The following MAGI3 variants were observed in gnomAD, a reference collection of about 807,000 sequenced individuals.
The protein encoded by MAGI3 is membrane associated guanylate kinase, WW and PDZ domain containing 3.
Under a neutral mutation model 121.8 loss-of-function variants are expected in MAGI3, and 43 were observed. The ratio of observed to expected loss-of-function variants is 0.35; its 90% CI spans 0.28 to 0.46. MAGI3 has a LOEUF of 0.46. MAGI3 is among the 20% of genes least tolerant of loss of function. The pLI, the probability that MAGI3 is intolerant of heterozygous loss-of-function variation, is 1.00. For missense variants in MAGI3, 1,547 were observed against 1,797.3 expected (o/e 0.86, Z 2.52); for synonymous variants, 553 against 639.3 (o/e 0.86, Z 2.04).
chr1:113,418,195 C>G (rs1257178445), intron 1 of MAGI3, among the ~76,000 whole-genome samples: 1 of 152,132 alleles, frequency 6.6e-6, no homozygotes, highest in Admixed American at 6.5e-5. Context: ...ACTTATGTGT[C>G]TAGCATTCAA....
At chr1:113,545,124 T>C (rs1221995534) in intron 1 of MAGI3, among the ~76,000 whole-genome samples, 1 of 151,970 alleles carries the variant, frequency 6.6e-6, no homozygotes, top group Non-Finnish European at 1.5e-5. Context: ...GGGTAAATAC[T>C]TGGAGACAAG....
At chr1:113,455,503 CAGG>C (rs1654707471) in intron 1 of MAGI3, among the ~76,000 whole-genome samples, 1 of 152,054 alleles carries the variant, frequency 6.6e-6, no homozygotes, top group Non-Finnish European at 1.5e-5. Flanking sequence ...TCTTGCCATC[CAGG>C]CCTTGCATTC....
At chr1:113,400,683 T>G (rs779728388) in intron 1 of MAGI3, among the ~76,000 whole-genome samples, 3 of 152,166 alleles carry the variant, frequency 2.0e-5, no homozygotes, top group Non-Finnish European at 4.4e-5. Context: ...GTTCACAGAA[T>G]TGTATCTCAA....
chr1:113,409,406 A>C (rs766850225), intron 1 of MAGI3, among the ~76,000 whole-genome samples: 8 of 151,888 alleles, frequency 5.3e-5, no homozygotes, highest in Non-Finnish European at 8.8e-5. Flanking sequence ...GCACTTTGGG[A>C]GGCAAGCAAG....
intron 16 of MAGI3, among the ~76,000 whole-genome samples, chr1:113,668,652 G>A (rs1410235659): frequency 1.5e-5 from 2 of 135,534 alleles, no homozygotes; most frequent in African/African-American, 5.7e-5. Context: ...GCGCAATCTC[G>A]GCTCACTGCA....
At chr1:113,514,705 G>A (rs566101775) in intron 1 of MAGI3, among the ~76,000 whole-genome samples, 2 of 152,140 alleles carry the variant, frequency 1.3e-5, no homozygotes, top group Non-Finnish European at 2.9e-5. Context: ...CAGCACACCA[G>A]CATGGCACAT....
At chr1:113,639,442 T>C (rs1244562752) in intron 9 of MAGI3, among the ~76,000 whole-genome samples, 1 of 152,194 alleles carries the variant, frequency 6.6e-6, no homozygotes, top group Non-Finnish European at 1.5e-5. Flanking sequence ...ACTCTTGTCA[T>C]CCAGGCTGGA....
At chr1:113,547,528 A>C (rs1659593392) in intron 1 of MAGI3, among the ~76,000 whole-genome samples, 1 of 152,196 alleles carries the variant, frequency 6.6e-6, no homozygotes. Flanking sequence ...ATATCACAAA[A>C]CACCTTTAGA....
chr1:113,436,517 T>C (rs1653573549), intron 1 of MAGI3, among the ~76,000 whole-genome samples: 1 of 152,162 alleles, frequency 6.6e-6, no homozygotes, highest in Admixed American at 6.6e-5. Flanking sequence ...CAAGGAGGTT[T>C]AAAGTATTCA....
intron 16 of MAGI3, among the ~76,000 whole-genome samples, chr1:113,664,138 A>G (rs572446127): frequency 7.2e-5 from 11 of 152,048 alleles, no homozygotes; most frequent in Admixed American, 6.5e-4. Flanking sequence ...CCCATTCTCC[A>G]TTTGTCTTTT....
chr1:113,592,255 G>C (rs1224751853), intron 5 of MAGI3, among the ~76,000 whole-genome samples: 1 of 152,178 alleles, frequency 6.6e-6, no homozygotes, highest in Non-Finnish European at 1.5e-5. Context: ...GGTATAACCA[G>C]TATGGTTGAT....
chr1:113,550,866 C>G (rs1659757181), intron 2 of MAGI3, among the ~76,000 whole-genome samples: 1 of 150,206 alleles, frequency 6.7e-6, no homozygotes, highest in Non-Finnish European at 1.5e-5. Context: ...AGTAAGAAGA[C>G]TTTTTAGCTC....
rs767027686 is a variant in MAGI3 at position 113,642,332 on chromosome 1, C to T, written c.1782C>T (p.Asp594=). The change falls in exon 10 of 21, where the codon GAC becomes GAT. Residue 594 remains aspartate, a synonymous_variant. Coordinates refer to ENST00000307546, the MANE Select transcript of MAGI3 (RefSeq NM_001142782.2). ...AAGGGTTTGGGTTTGCAATTGCTGA[C>T]AGCCCTACTGGACAGAAGGTGAAAA... ...GPKGFGFAIA[D]SPTGQKVKMI... 3 of 1,614,174 alleles carry T rather than the reference C, an allele frequency of 1.9e-6. No homozygotes were observed. Among genetic ancestry groups the T allele is most frequent in the Non-Finnish European group, 2.5e-6 (3 of 1,180,024 alleles).
intron 2 of MAGI3, among the ~76,000 whole-genome samples, chr1:113,571,011 T>A (rs1647266393): frequency 6.6e-6 from 1 of 152,206 alleles, no homozygotes; most frequent in Non-Finnish European, 1.5e-5. Context: ...TCTTCTAGGG[T>A]TTTTATGGTT....
At chr1:113,616,489 A>G (rs1432763910) in intron 7 of MAGI3, among the ~76,000 whole-genome samples, 1 of 152,240 alleles carries the variant, frequency 6.6e-6, no homozygotes, top group Non-Finnish European at 1.5e-5. Flanking sequence ...TTGTCAAACC[A>G]GATGGCACGA....
At chr1:113,532,282 TATA>T (rs1454899816) in intron 1 of MAGI3, among the ~76,000 whole-genome samples, 1 of 152,060 alleles carries the variant, frequency 6.6e-6, no homozygotes, top group Non-Finnish European at 1.5e-5. Context: ...TTATATTATA[TATA>T]AACAGCTTCC....
At chr1:113,631,197 G>GT (rs1301775681) in intron 9 of MAGI3, among the ~76,000 whole-genome samples, 1 of 152,214 alleles carries the variant, frequency 6.6e-6, no homozygotes, top group Non-Finnish European at 1.5e-5. Context: ...GGATGGGGGA[G>GT]TGGTAGCACT....
In MAGI3 at chr1:113,659,073, C is replaced by A; in HGVS notation, c.2630-7C>A. 6.4e-7 allele frequency: 1 copy of A among 1,572,156 alleles called. No individual in the cohort carries two copies. On this transcript the variant is annotated splice_polypyrimidine_tract_variant and splice_region_variant and intron_variant, in intron 15 of 20. Transcript: ENST00000307546. ...AATTGAAAAACCTGGGGTTTTTTTT[C>A]CCATAGTTATTCCTCATAAAATTGG...
chr1:113,464,114 T>C (rs1655161719), intron 1 of MAGI3, among the ~76,000 whole-genome samples: 1 of 152,098 alleles, frequency 6.6e-6, no homozygotes, highest in Non-Finnish European at 1.5e-5. Context: ...TATCAAACCA[T>C]ATATTTGTAC....
Sources: gnomAD v4.1 joint callset for allele counts (sites outside exome capture counted in the v4.1 genomes callset) on GRCh38, gnomAD v4.1.1 for gene constraint, MANE v1.5 for transcripts, NCBI Gene and HGNC (gene_info 2026-07-23, HGNC 2026-07-21) for gene names.